The following JARID2 variants were observed in gnomAD, a reference collection of about 807,000 sequenced individuals.
JARID2 encodes jumonji and AT-rich interaction domain containing 2.
JARID2 carries 21 observed loss-of-function variants against 125.6 expected under a neutral mutation model. The observed-to-expected ratio is 0.17, with a 90% CI of 0.12 to 0.24. The LOEUF (loss-of-function observed/expected upper bound fraction) is 0.24, where lower values mean the gene tolerates loss of function less well. JARID2 is among the 10% of genes least tolerant of loss of function. The pLI is 1.00. For missense variants in JARID2, 1,303 were observed against 1,639.6 expected, an observed-to-expected ratio of 0.79 and a Z score of 3.55; for synonymous variants, 736 against 661.6, an observed-to-expected ratio of 1.11 and a Z score of -1.73.
chr6:15,375,796 G>C (rs1764330882), intron 2 of JARID2, among the ~76,000 whole-genome samples: 1 of 152,170 alleles, frequency 6.6e-6, no homozygotes, highest in South Asian at 2.1e-4. Flanking sequence ...AGTGACTGCT[G>C]TACTGTTAGA....
intron 3 of JARID2, among the ~76,000 whole-genome samples, chr6:15,434,809 T>G (rs2127606347): frequency 6.6e-6 from 1 of 152,350 alleles, no homozygotes; most frequent in Non-Finnish European, 1.5e-5. Context: ...CCTTAACCTC[T>G]GCTGGAAGAG....
intron 1 of JARID2, among the ~76,000 whole-genome samples, chr6:15,348,425 A>T (rs1763317032): frequency 6.6e-6 from 1 of 152,188 alleles, no homozygotes; most frequent in Non-Finnish European, 1.5e-5. Flanking sequence ...TTCTATGAAT[A>T]TTCTTTGCAG....
intron 3 of JARID2, among the ~76,000 whole-genome samples, chr6:15,445,802 G>A (rs1291572948): frequency 2.6e-5 from 4 of 152,232 alleles, no homozygotes; most frequent in Non-Finnish European, 4.4e-5. Context: ...CGAGATGATG[G>A]TGAGAATGGG....
rs11358363 is a variant in JARID2, at chr6:15,381,341, C to CAA, written c.181+7110_181+7111dup. Among the ~76,000 whole-genome samples the CAA allele has an allele frequency of 6.7e-3, 623 of 92,914 alleles. 5 individuals are homozygous for CAA. Among genetic ancestry groups the CAA allele is most frequent in the Non-Finnish European group, 0.01 (480 of 47,508 alleles). The allele number at this position is 92,914 out of a possible 152,430, so 61.0% of individuals were successfully genotyped here. On this transcript the variant is annotated intron_variant, in intron 2 of 17. Transcript: ENST00000341776. ...GGGCGACAGAGGGAGACTCCTGTCTCAAAAAAAAAAAAAAAAAAAAAAGTG... is the reference window on the plus strand; with the variant it reads ...GGGCGACAGAGGGAGACTCCTGTCTCAAAAAAAAAAAAAAAAAAAAAAAAGTG...
intron 5 of JARID2, among the ~76,000 whole-genome samples, chr6:15,482,533 C>T (rs1362428791): frequency 6.6e-6 from 1 of 152,108 alleles, no homozygotes; most frequent in East Asian, 1.9e-4. Context: ...TTAAGAGTTA[C>T]ATTATTTGAC....
intron 1 of JARID2, among the ~76,000 whole-genome samples, chr6:15,277,298 A>AT (rs895718460): frequency 2.6e-5 from 4 of 152,088 alleles, no homozygotes; most frequent in Admixed American, 6.5e-5. Context: ...TTATTTACCT[A>AT]TTTTTTATAG....
chr6:15,285,564 CAT>C (rs34425330), intron 1 of JARID2, among the ~76,000 whole-genome samples: 10 of 150,600 alleles, frequency 6.6e-5, no homozygotes, highest in Admixed American at 1.3e-4. Flanking sequence ...GAAAAAAATA[CAT>C]ATATATATAT....
intron 1 of JARID2, among the ~76,000 whole-genome samples, chr6:15,303,009 C>T (rs144478742): frequency 6.5e-4 from 99 of 152,244 alleles, no homozygotes; most frequent in Non-Finnish European, 8.8e-4. Flanking sequence ...TAGGCATCAG[C>T]GACTGCACCT....
At chr6:15,462,183 C>T (rs926136065) in intron 4 of JARID2, among the ~76,000 whole-genome samples, 2 of 152,162 alleles carry the variant, frequency 1.3e-5, no homozygotes, top group African/African-American at 4.8e-5. Flanking sequence ...AGTCACCTTA[C>T]AGATAATAAT....
intron 1 of JARID2, among the ~76,000 whole-genome samples, chr6:15,269,279 G>C (rs903101001): frequency 5.3e-5 from 8 of 152,250 alleles, no homozygotes; most frequent in East Asian, 1.9e-4. Flanking sequence ...TTCTTGTTGG[G>C]GGGGGCGGAA....
rs1352205655 is a variant in JARID2, at chr6:15,496,153, A to T, written c.928A>T (p.Thr310Ser). The change falls in exon 7 of 18, where the codon ACT becomes TCT. Residue 310 changes from threonine to serine, a missense_variant. Coordinates refer to ENST00000341776, the MANE Select transcript of JARID2 (RefSeq NM_004973.4). ...ACAGGTTTCTAAGGTAAACGGAGTC[A>T]CTCGAATGTCATCTCTGGGTGCAGG... ...RKQVSKVNGV[T>S]RMSSLGAGVT... The T allele has an allele frequency of 9.3e-6, 15 of 1,612,652 alleles. No individual in the cohort carries two copies. The South Asian group carries it at 1.5e-4, about 17-fold the overall frequency.
At chr6:15,320,778 A>G (rs961183457) in intron 1 of JARID2, among the ~76,000 whole-genome samples, 1 of 152,096 alleles carries the variant, frequency 6.6e-6, no homozygotes, top group Non-Finnish European at 1.5e-5. Flanking sequence ...TATGCAATAT[A>G]TGTAAATTAG....
At chr6:15,306,098 G>C (rs776968523) in intron 1 of JARID2, among the ~76,000 whole-genome samples, 1 of 152,124 alleles carries the variant, frequency 6.6e-6, no homozygotes, top group Non-Finnish European at 1.5e-5. Flanking sequence ...GAGGCTTACA[G>C]TTTTCCCGGG....
Position 15,442,402 on chromosome 6 carries a change from T to C in JARID2, c.324-9604T>C, listed in dbSNP as rs373454506. Among the ~76,000 whole-genome samples, 18 of 152,252 alleles carry C rather than the reference T, an allele frequency of 1.2e-4. 1 individual carries two copies. Among genetic ancestry groups the C allele is most frequent in the Admixed American group, 8.5e-4 (13 of 15,288 alleles). On this transcript the variant is annotated intron_variant, in intron 3 of 17. Coordinates refer to ENST00000341776, the MANE Select transcript of JARID2 (RefSeq NM_004973.4). ...ACTCCTTGTAACTACAACAGCCTAT[T>C]AGAAATTATTTTGGCCAGATCCTGG...
At chr6:15,397,797 ATAT>A (rs1336462201) in intron 2 of JARID2, among the ~76,000 whole-genome samples, 3 of 152,212 alleles carry the variant, frequency 2.0e-5, no homozygotes, top group Admixed American at 1.3e-4. Flanking sequence ...CCAGTCCCAA[ATAT>A]TATCTAAGAG....
At chr6:15,333,861 T>A (rs6919296) in intron 1 of JARID2, among the ~76,000 whole-genome samples, 1 of 152,104 alleles carries the variant, frequency 6.6e-6, no homozygotes, top group Non-Finnish European at 1.5e-5. Flanking sequence ...TACAAGTGAC[T>A]AGGGAGTCTT....
chr6:15,329,790 T>A (rs1762647790), intron 1 of JARID2, among the ~76,000 whole-genome samples: 1 of 152,250 alleles, frequency 6.6e-6, no homozygotes, highest in Non-Finnish European at 1.5e-5. Context: ...AAAGAAGGCC[T>A]GAGTCTCTGT....
At chr6:15,258,795 A>C (rs1348779401) in intron 1 of JARID2, among the ~76,000 whole-genome samples, 1 of 152,184 alleles carries the variant, frequency 6.6e-6, no homozygotes, top group East Asian at 1.9e-4. Context: ...ACAAAACAAA[A>C]CAGCAGAACA....
intron 1 of JARID2, among the ~76,000 whole-genome samples, chr6:15,287,473 A>G (rs1761047808): frequency 6.6e-6 from 1 of 152,268 alleles, no homozygotes; most frequent in African/African-American, 2.4e-5. Context: ...CAACCACTGT[A>G]AATCAGTATA....
Sources: allele counts gnomAD v4.1 joint callset (sites outside exome capture counted in the v4.1 genomes callset), GRCh38; gene constraint gnomAD v4.1.1; transcripts MANE v1.5; gene names NCBI Gene and HGNC (gene_info 2026-07-23, HGNC 2026-07-21).